The following CSMD1 variants were observed in gnomAD, a reference collection of about 807,000 sequenced individuals.
The protein encoded by CSMD1 is CUB and Sushi multiple domains 1, also known as CUB and sushi domain-containing protein 1.
Under a neutral mutation model 417.5 loss-of-function variants are expected in CSMD1, and 213 were observed. The observed-to-expected ratio is 0.51, with a 90% CI of 0.46 to 0.57. The LOEUF is 0.57. Among genes scored for constraint, CSMD1 ranks in the 20% least tolerant of loss-of-function variants. The pLI, the probability that CSMD1 is intolerant of heterozygous loss-of-function variation, is 0.00. For missense variants in CSMD1, 6,923 were observed against 4,529.7 expected (o/e 1.53, Z -15.17); for synonymous variants, 2,862 against 1,736.8 (o/e 1.65, Z -16.11).
chr8:3,703,896 C>T (rs943236336), intron 7 of CSMD1, among the ~76,000 whole-genome samples: 7 of 152,060 alleles, frequency 4.6e-5, no homozygotes, highest in African/African-American at 1.4e-4. Flanking sequence ...TGGTGAAACC[C>T]CATCTCTACT....
Position 4,972,745 on chromosome 8 carries a change from C to T in CSMD1, c.85+21587G>A, listed in dbSNP as rs1294271299. On this transcript the variant is annotated intron_variant, in intron 1 of 69. Transcript: ENST00000635120. ...AATATTGTTTGAGTTTTGAAGATTA[C>T]CAACACATTTTCCAGCTATCTAAAT... Among the ~76,000 whole-genome samples, 5 of 143,612 alleles carry T rather than the reference C, an allele frequency of 3.5e-5. 1 individual carries two copies. The Middle Eastern group carries it at 0.016, about 471-fold the overall frequency. The allele number at this position is 143,612 out of a possible 152,430, so 94.2% of individuals were successfully genotyped here.
At chr8:4,653,318 C>T (rs1399971667) in intron 1 of CSMD1, among the ~76,000 whole-genome samples, 1 of 152,142 alleles carries the variant, frequency 6.6e-6, no homozygotes, top group Non-Finnish European at 1.5e-5. Flanking sequence ...GGCGCAACCA[C>T]ATTAGAAGTT....
intron 49 of CSMD1, among the ~76,000 whole-genome samples, chr8:3,062,152 T>C (rs1476155982): frequency 6.6e-6 from 1 of 152,146 alleles, no homozygotes; most frequent in African/African-American, 2.4e-5. Context: ...CTGGGTCCTT[T>C]CTTTTTTTTC....
At position 3,130,329 on chromosome 8, in the gene CSMD1, C is replaced by T. The variant is rs544404949; in HGVS notation, c.6242-11742G>A. 2.0e-5 allele frequency among the ~76,000 whole-genome samples: 3 copies of T among 152,178 alleles called. No individual in the cohort carries two copies. The East Asian group carries it at 5.8e-4, about 30-fold the overall frequency. On this transcript the variant is annotated intron_variant, in intron 41 of 69. Transcript: ENST00000635120. Reference sequence around the variant, plus strand: ...CATCATTCACATTATTCAAATTGTACGTCGTGCATACAGCCAGACGAGGCG... The same window carrying T: ...CATCATTCACATTATTCAAATTGTATGTCGTGCATACAGCCAGACGAGGCG...
chr8:4,588,815 T>C (rs979909539), intron 2 of CSMD1, among the ~76,000 whole-genome samples: 1 of 117,708 alleles, frequency 8.5e-6, no homozygotes, highest in Admixed American at 8.6e-5. Flanking sequence ...CAAAAGAAAC[T>C]CTACTCTGTG....
At chr8:3,814,383 T>C (rs1179667785) in intron 5 of CSMD1, among the ~76,000 whole-genome samples, 1 of 152,080 alleles carries the variant, frequency 6.6e-6, no homozygotes, top group Non-Finnish European at 1.5e-5. Flanking sequence ...TCTTATACAT[T>C]ATACTATATC....
chr8:3,065,066 A>G (rs1812832080), intron 49 of CSMD1, among the ~76,000 whole-genome samples: 1 of 152,204 alleles, frequency 6.6e-6, no homozygotes, highest in South Asian at 2.1e-4. Context: ...AAAGTAAACA[A>G]ACAGATGTAC....
At chr8:4,484,289 G>C (rs913781350) in intron 2 of CSMD1, among the ~76,000 whole-genome samples, 2 of 150,310 alleles carry the variant, frequency 1.3e-5, no homozygotes, top group African/African-American at 2.4e-5. Context: ...ATTTTGTTTT[G>C]TCCCTCTGTC....
At chr8:4,893,057 G>T (rs901208644) in intron 1 of CSMD1, among the ~76,000 whole-genome samples, 5 of 152,100 alleles carry the variant, frequency 3.3e-5, no homozygotes, top group African/African-American at 1.2e-4. Flanking sequence ...CAGGAATGAG[G>T]GCTGTGTCGA....
intron 3 of CSMD1, among the ~76,000 whole-genome samples, chr8:4,103,695 T>G (rs146643631): frequency 2.4e-4 from 37 of 152,258 alleles, no homozygotes; most frequent in Non-Finnish European, 4.9e-4. Flanking sequence ...CTGGAGTGAA[T>G]GCTTAAAACC....
chr8:4,260,183 GATT>G (rs1410604844), intron 3 of CSMD1, among the ~76,000 whole-genome samples: 59 of 152,254 alleles, frequency 3.9e-4, no homozygotes, highest in African/African-American at 1.3e-3. Context: ...TGCAAGTATT[GATT>G]ATTATCAGGT....
chr8:3,195,276 G>T (rs540466748), intron 33 of CSMD1, among the ~76,000 whole-genome samples: 38 of 152,266 alleles, frequency 2.5e-4, no homozygotes, highest in African/African-American at 8.9e-4. Flanking sequence ...GTGGGCAGCT[G>T]TGACCACCCT....
At chr8:3,214,400 G>T in intron 30 of CSMD1, 97 bp downstream of exon 30, 1 of 1,037,148 alleles carries the variant, frequency 9.6e-7, no homozygotes, top group South Asian at 1.7e-5. Context: ...CCACCGATGA[G>T]AGGAATACGT....
At chr8:4,352,072 G>C (rs1801130089) in intron 3 of CSMD1, among the ~76,000 whole-genome samples, 1 of 151,516 alleles carries the variant, frequency 6.6e-6, no homozygotes, top group African/African-American at 2.4e-5. Context: ...TTCAGTGTTA[G>C]CCACTCTCCT....
At chr8:3,203,925 C>T (rs1467369515) in intron 31 of CSMD1, among the ~76,000 whole-genome samples, 5 of 152,184 alleles carry the variant, frequency 3.3e-5, no homozygotes, top group Non-Finnish European at 7.3e-5. Flanking sequence ...GTCTGGATTG[C>T]ACATCTGCCT....
At chr8:4,701,607 C>T (rs1043703254) in intron 1 of CSMD1, among the ~76,000 whole-genome samples, 1 of 152,110 alleles carries the variant, frequency 6.6e-6, no homozygotes, top group African/African-American at 2.4e-5. Flanking sequence ...CTCTCAGGTT[C>T]TGTTCCACAG....
At chr8:3,790,806 G>A (rs919281272) in intron 5 of CSMD1, among the ~76,000 whole-genome samples, 3 of 152,110 alleles carry the variant, frequency 2.0e-5, no homozygotes, top group African/African-American at 7.2e-5. Context: ...CATTGAGGTC[G>A]ATAATGGGAC....
chr8:3,997,026 T>C (rs1815272003), intron 5 of CSMD1, among the ~76,000 whole-genome samples: 1 of 152,184 alleles, frequency 6.6e-6, no homozygotes, highest in Non-Finnish European at 1.5e-5. Context: ...TACTCATAAA[T>C]GGCCAACATT....
intron 18 of CSMD1, among the ~76,000 whole-genome samples, chr8:3,380,733 C>A (rs555616722): frequency 6.6e-6 from 1 of 152,090 alleles, no homozygotes; most frequent in South Asian, 2.1e-4. Flanking sequence ...CACACTGGGT[C>A]CTGTTCGGAG....
Sources: allele counts gnomAD v4.1 joint callset (sites outside exome capture counted in the v4.1 genomes callset), GRCh38; gene constraint gnomAD v4.1.1; transcripts MANE v1.5; gene names NCBI Gene and HGNC (gene_info 2026-07-23, HGNC 2026-07-21).